Variants in SLC6A17 observed in about 807,000 individuals in gnomAD.
SLC6A17 encodes solute carrier family 6 member 17.
Under a neutral mutation model 64.5 loss-of-function variants are expected in SLC6A17, and 21 were observed. That is an observed-to-expected ratio of 0.33 (90% CI 0.23 to 0.47). The LOEUF (loss-of-function observed/expected upper bound fraction) is 0.47, where lower values mean the gene tolerates loss of function less well. Among genes scored for constraint, SLC6A17 ranks in the 20% least tolerant of loss-of-function variants. The probability of loss-of-function intolerance (pLI) is 1.00; values close to 1 mark genes in which losing one functional copy is unlikely to be tolerated. For synonymous variants in SLC6A17, 372 were observed against 399.5 expected, an observed-to-expected ratio of 0.93 and a Z score of 0.82; for missense variants, 682 against 963.2, an observed-to-expected ratio of 0.71 and a Z score of 3.86.
At chr1:110,153,291 GA>G (rs1655655828) in intron 1 of SLC6A17, among the ~76,000 whole-genome samples, 1 of 152,276 alleles carries the variant, frequency 6.6e-6, no homozygotes, top group African/African-American at 2.4e-5. Context: ...AGTTACAAGA[GA>G]ACTGTTCAGG....
intron 5 of SLC6A17, among the ~76,000 whole-genome samples, chr1:110,176,213 C>T (rs995626099): frequency 1.3e-5 from 2 of 152,076 alleles, no homozygotes; most frequent in Non-Finnish European, 1.5e-5. Context: ...GTTTGGGAGC[C>T]GTGTCTATAA....
In SLC6A17 at chr1:110,198,364, C is replaced by A; in HGVS notation, c.2104C>A (p.Pro702Thr). The change falls in exon 12 of 12, where the codon CCC (proline) becomes ACC (threonine). Residue 702 changes from proline (P) to threonine (T), a missense_variant. Physicochemically the swap from Pro to Thr is conservative, Grantham distance 38. Transcript: ENST00000331565. ...RSYLGPGSTS[P>T]LETSGNPNGR... Reference sequence around the variant, plus strand: ...CTATCTGGGGCCCGGCAGCACATCACCCCTGGAGACCAGCGGTAACCCCAA... The same window carrying A: ...CTATCTGGGGCCCGGCAGCACATCAACCCTGGAGACCAGCGGTAACCCCAA... 1 of 1,614,176 alleles carries A rather than the reference C, an allele frequency of 6.2e-7. No individual in the cohort carries two copies. The highest frequency in any genetic ancestry group is 1.7e-5 in the Admixed American group (1 of 60,028).
Position 110,192,753 on chromosome 1 carries a change from G to A in SLC6A17, c.1299+55G>A. The A allele has an allele frequency of 6.4e-7, 1 of 1,552,330 alleles. No individual in the cohort carries two copies. Among genetic ancestry groups the A allele is most frequent in the Non-Finnish European group, 8.7e-7 (1 of 1,148,442 alleles). On this transcript the variant is annotated intron_variant, in intron 8 of 11. Coordinates refer to ENST00000331565, the MANE Select transcript of SLC6A17 (RefSeq NM_001010898.4). This position sits in a 1 kb window ranked among gnomAD's most constrained non-coding sequence, Gnocchi z 4.3. ...AGGCAGGAACCCAGAGAGCAGCTGTGGCCGGCGGGAGCTTGGGCTCAGGCC... is the reference window on the plus strand; with the variant it reads ...AGGCAGGAACCCAGAGAGCAGCTGTAGCCGGCGGGAGCTTGGGCTCAGGCC...
chr1:110,171,689 G>T lies in SLC6A17; in HGVS notation c.287-371G>T, dbSNP rs931004249. Among the ~76,000 whole-genome samples the T allele has an allele frequency of 5.9e-5, 9 of 152,056 alleles. 1 individual carries two copies. The highest frequency in any genetic ancestry group is 2.1e-4 in the South Asian group (1 of 4,798). On this transcript the variant is annotated intron_variant, in intron 2 of 11. Transcript: ENST00000331565. ...GCTGCTTCTCTGTGGTCAGGAGGGG[G>T]TGTGAACAGCTGTCCACGGAGCGCC...
At chr1:110,158,942 A>G (rs6660865) in intron 1 of SLC6A17, among the ~76,000 whole-genome samples, 75,170 of 152,090 alleles carry the variant, frequency 0.49, 18,988 homozygotes, top group Non-Finnish European at 0.54. Context: ...AACTTTGATG[A>G]ACCCTTTCTG....
chr1:110,199,669 G>T lies in SLC6A17; in HGVS notation c.*1225G>T, dbSNP rs531027688. 3.8e-4 allele frequency: 120 copies of T among 316,876 alleles called. No homozygotes were observed. Among genetic ancestry groups the T allele is most frequent in the African/African-American group, 2.3e-3 (108 of 47,008 alleles). 19.6% of individuals were successfully genotyped at this position (316,876 alleles called of 1,614,324 possible). ...ATAGGCAGTGCTGTGGACAGTAGAG[G>T]CTGCCAAAGGCAAGGGCTGGTCTTC... On this transcript the variant is annotated 3_prime_UTR_variant, in exon 12 of 12. Coordinates refer to ENST00000331565, the MANE Select transcript of SLC6A17 (RefSeq NM_001010898.4).
intron 6 of SLC6A17, among the ~76,000 whole-genome samples, chr1:110,186,666 C>T (rs1488952413): frequency 9.1e-6 from 1 of 109,776 alleles, no homozygotes; most frequent in Non-Finnish European, 2.1e-5. Context: ...TTTGTCTAGT[C>T]TCTCTCTCTC....
intron 9 of SLC6A17, 73 bp downstream of exon 9, chr1:110,194,844 G>A: frequency 6.3e-7 from 1 of 1,575,514 alleles, no homozygotes; most frequent in Non-Finnish European, 8.6e-7. Context: ...TCTGGCTTCT[G>A]ACTGGGTCCT....
chr1:110,176,723 A>G lies in SLC6A17; in HGVS notation c.848A>G (p.His283Arg). 6.2e-7 allele frequency: 1 copy of G among 1,613,760 alleles called. No individual in the cohort carries two copies. Among genetic ancestry groups the G allele is most frequent in the South Asian group, 1.1e-5 (1 of 91,042 alleles). The change falls in exon 6 of 12, where the codon CAC becomes CGC. Residue 283 changes from histidine (H) to arginine (R), a missense_variant. Coordinates refer to ENST00000331565, the MANE Select transcript of SLC6A17 (RefSeq NM_001010898.4). ...LLRGAVDGIL[H>R]MFTPKLDKML... ...CGAGGGGCAGTTGATGGCATCCTACACATGTTCACTCCCAAGGTAAGGGTT... is the reference window on the plus strand; with the variant it reads ...CGAGGGGCAGTTGATGGCATCCTACGCATGTTCACTCCCAAGGTAAGGGTT...
chr1:110,192,155 G>A lies in SLC6A17; in HGVS notation c.1048G>A (p.Val350Met), dbSNP rs1656843853. The A allele has an allele frequency of 5.6e-6, 9 of 1,614,044 alleles. No individual in the cohort carries two copies. Among genetic ancestry groups the A allele is most frequent in the African/African-American group, 2.7e-5 (2 of 74,920 alleles). ...CTTCACGTCAGTGTTGGCCACCCTC[G>A]TGGTGTTTGCTGTGCTGGGCTTCAA... is the stretch of plus-strand genomic sequence containing the variant. ...NFFTSVLATL[V>M]VFAVLGFKAN... Residue 350 changes from valine (V) to methionine (M), a missense_variant, in exon 7 of 12, where the codon GTG (valine) becomes ATG (methionine). Around this residue, in one of 3 missense-constraint regions of SLC6A17, gnomAD observed 415 missense variants for 603.8 expected, o/e 0.69. Transcript: ENST00000331565. The surrounding 1 kb of genome is among the most constrained non-coding windows in gnomAD (Gnocchi z 4.3).
At position 110,194,562 on chromosome 1, in the gene SLC6A17, T is replaced by C. The variant is rs1467708620; in HGVS notation, c.1300-17T>C. The C allele has an allele frequency of 1.9e-6, 3 of 1,609,592 alleles. No individual in the cohort carries two copies. In the Admixed American group the frequency reaches 5.0e-5, roughly 27 times the overall value. Reference sequence around the variant, plus strand: ...GAGGGGTGACCTCACAGGCCCTGCTTTCCACCCCACCTTCAGTCCGTGCAG... The same window carrying C: ...GAGGGGTGACCTCACAGGCCCTGCTCTCCACCCCACCTTCAGTCCGTGCAG... On this transcript the variant is annotated splice_polypyrimidine_tract_variant and intron_variant, in intron 8 of 11. Transcript: ENST00000331565.
intron 6 of SLC6A17, among the ~76,000 whole-genome samples, chr1:110,184,762 C>T (rs541997077): frequency 6.6e-6 from 1 of 152,172 alleles, no homozygotes; most frequent in African/African-American, 2.4e-5. Context: ...GGAACACACC[C>T]ACACATATTC....
chr1:110,193,827 C>G (rs1327764355), intron 8 of SLC6A17, among the ~76,000 whole-genome samples: 1 of 152,228 alleles, frequency 6.6e-6, no homozygotes, highest in African/African-American at 2.4e-5. Context: ...AGGTTTATAG[C>G]AGTGTTTTCA....
chr1:110,158,599 T>C (rs1655820216), intron 1 of SLC6A17, among the ~76,000 whole-genome samples: 1 of 152,226 alleles, frequency 6.6e-6, no homozygotes, highest in Admixed American at 6.5e-5. Context: ...CCCTACGAGG[T>C]GTAGCATCCT....
chr1:110,161,132 CAGT>C (rs1212642479), intron 1 of SLC6A17, among the ~76,000 whole-genome samples: 3 of 152,164 alleles, frequency 2.0e-5, no homozygotes, highest in Non-Finnish European at 4.4e-5. Flanking sequence ...CTGTCAGGAG[CAGT>C]TTGCCCCAGG....
intron 6 of SLC6A17, among the ~76,000 whole-genome samples, chr1:110,182,320 C>G (rs56212485): frequency 0.1 from 15,145 of 152,050 alleles, 1,162 homozygotes; most frequent in South Asian, 0.28. Context: ...GTGGAGGGAA[C>G]AGATTTGGTG....
intron 6 of SLC6A17, among the ~76,000 whole-genome samples, chr1:110,178,909 T>C (rs923956594): frequency 1.1e-4 from 16 of 152,242 alleles, no homozygotes; most frequent in Non-Finnish European, 2.2e-4. Flanking sequence ...TAGCAACCAC[T>C]TTCCTGAATT....
intron 8 of SLC6A17, among the ~76,000 whole-genome samples, chr1:110,193,263 C>T (rs1208886695): frequency 6.6e-6 from 1 of 152,150 alleles, no homozygotes; most frequent in Non-Finnish European, 1.5e-5. Context: ...TCAGGATCAC[C>T]TCTTGATGCT....
chr1:110,193,304 A>G (rs763624906), intron 8 of SLC6A17, among the ~76,000 whole-genome samples: 2 of 152,062 alleles, frequency 1.3e-5, no homozygotes, highest in African/African-American at 2.4e-5. Context: ...CCCCATTCCA[A>G]TCTCACTGCC....
Sources: allele counts gnomAD v4.1 joint callset (sites outside exome capture counted in the v4.1 genomes callset), GRCh38; gene constraint gnomAD v4.1.1; regional missense constraint gnomAD v4.1.1; non-coding constraint Gnocchi (gnomAD v3.1); transcripts MANE v1.5; gene names NCBI Gene and HGNC (gene_info 2026-07-23, HGNC 2026-07-21).